CCDC178: variants seen among roughly 807,000 people sequenced by gnomAD.
CCDC178 encodes coiled-coil domain-containing protein 178.
In CCDC178, 126 loss-of-function variants were observed where a neutral mutation model predicts 117.4. The observed-to-expected ratio is 1.07, with a 90% CI of 0.93 to 1.24. The LOEUF is 1.24. Ranked by LOEUF, CCDC178 falls within the 50% of genes most tolerant of loss-of-function variation. CCDC178 has a pLI of 0.00. For missense variants in CCDC178, 1,030 were observed against 986.9 expected (o/e 1.04, Z -0.59); for synonymous variants, 283 against 313.4 (o/e 0.90, Z 1.02).
At chr18:33,208,016 C>A (rs1426754549) in intron 20 of CCDC178, among the ~76,000 whole-genome samples, 4 of 152,032 alleles carry the variant, frequency 2.6e-5, no homozygotes, top group African/African-American at 9.7e-5. Context: ...ATCTCTGATA[C>A]AAAATTAGCA....
At chr18:33,253,285 C>T (rs898855136) in intron 14 of CCDC178, among the ~76,000 whole-genome samples, 1 of 151,766 alleles carries the variant, frequency 6.6e-6, no homozygotes, top group Non-Finnish European at 1.5e-5. Flanking sequence ...TGAAGGTAAA[C>T]TATATATGAA....
intron 13 of CCDC178, 24 bp from the exon 14 acceptor site, chr18:33,267,076 C>T: frequency 6.4e-7 from 1 of 1,563,740 alleles, no homozygotes; most frequent in Non-Finnish European, 8.6e-7. Flanking sequence ...ATAAAAGAAT[C>T]ATTCATACAT....
chr18:33,292,231 C>T (rs1214087317), intron 12 of CCDC178, among the ~76,000 whole-genome samples: 1 of 152,120 alleles, frequency 6.6e-6, no homozygotes, highest in East Asian at 1.9e-4. Context: ...CAATGGAATA[C>T]TATTCAGCAA....
At chr18:33,423,145 G>A (rs567898332) in intron 2 of CCDC178, among the ~76,000 whole-genome samples, 24 of 152,026 alleles carry the variant, frequency 1.6e-4, no homozygotes, top group Admixed American at 4.6e-4. Flanking sequence ...TAAAAATAAC[G>A]TTGTACCCTA....
chr18:33,437,795 A>T (rs1465896136), intron 2 of CCDC178: 1 of 152,170 alleles, frequency 6.6e-6, no homozygotes, highest in Non-Finnish European at 1.5e-5. Context: ...AATGGTAAAA[A>T]TAACAATACT....
At chr18:33,190,077 A>C (rs1322434024) in intron 20 of CCDC178, among the ~76,000 whole-genome samples, 2 of 152,160 alleles carry the variant, frequency 1.3e-5, no homozygotes, top group African/African-American at 2.4e-5. Context: ...AAGGTAGCTG[A>C]CACCTAGAAG....
At chr18:33,306,403 A>G (rs2062248742) in intron 11 of CCDC178, among the ~76,000 whole-genome samples, 1 of 113,134 alleles carries the variant, frequency 8.8e-6, no homozygotes, top group African/African-American at 3.3e-5. Flanking sequence ...GGTAACAGCT[A>G]TTGGATCTTT....
chr18:33,403,925 C>A (rs1206313732), intron 3 of CCDC178, among the ~76,000 whole-genome samples: 1 of 151,930 alleles, frequency 6.6e-6, no homozygotes, highest in African/African-American at 2.4e-5. Flanking sequence ...CTTTCGACTT[C>A]TAGAAGAAGG....
At chr18:33,333,511 T>A in intron 9 of CCDC178, 117 bp from the exon 10 acceptor site, 2 of 469,010 alleles carry the variant, frequency 4.3e-6, no homozygotes, top group Non-Finnish European at 7.0e-6. Context: ...TACTACTTTT[T>A]TTTTTTTTTT....
intron 21 of CCDC178, among the ~76,000 whole-genome samples, chr18:33,080,204 A>C (rs540940417): frequency 6.6e-6 from 1 of 152,162 alleles, no homozygotes; most frequent in Non-Finnish European, 1.5e-5. Context: ...GCTCTCACTT[A>C]TAAGTAGGAG....
At chr18:33,048,823 T>A (rs1185443710) in intron 21 of CCDC178, among the ~76,000 whole-genome samples, 1 of 152,172 alleles carries the variant, frequency 6.6e-6, no homozygotes. Context: ...AGATTTGTTT[T>A]CCCAATCCTT....
In CCDC178 at chr18:32,993,547, C is replaced by T. The variant is rs150697839; in HGVS notation, c.2389-18866G>A. On this transcript the variant is annotated intron_variant, in intron 21 of 22. Transcript: ENST00000383096. ...TTGCTGTCTAACACCACTGGCTCAC[C>T]ATTAAATTCTTTCCTGGGCAAAGCC... Among the ~76,000 whole-genome samples, 21 of 152,350 alleles carry T rather than the reference C, an allele frequency of 1.4e-4. No individual in the cohort carries two copies. The East Asian group carries it at 4.1e-3, about 29-fold the overall frequency.
At chr18:33,389,467 G>C in intron 5 of CCDC178, 73 bp downstream of exon 5, 1 of 599,452 alleles carries the variant, frequency 1.7e-6, no homozygotes, top group Non-Finnish European at 2.6e-6. Context: ...AAATAGTATT[G>C]ACATTATAGA....
In CCDC178 at chr18:33,245,360, T is replaced by C; in HGVS notation, c.1478A>G (p.Lys493Arg). The C allele has an allele frequency of 6.2e-7, 1 of 1,604,706 alleles. No homozygotes were observed. The highest frequency in any genetic ancestry group is 8.5e-7 in the Non-Finnish European group (1 of 1,176,274). Residue 493 changes from lysine to arginine, a missense_variant, in exon 15 of 23, where the codon AAA becomes AGA. Physicochemically the swap from Lys to Arg is conservative, Grantham distance 26 (BLOSUM62 2). Coordinates refer to ENST00000383096, the MANE Select transcript of CCDC178 (RefSeq NM_001105528.4). ...CTCCTTATAGATGTTCTTGAGATGT[T>C]TATCATTCTTTAACTTCATTATTGT... is the stretch of plus-strand genomic sequence containing the variant. ...YLTIMKLKND[K>R]HLKNIYKEAY...
At chr18:33,416,404 G>A (rs1055945608) in intron 2 of CCDC178, among the ~76,000 whole-genome samples, 10 of 150,952 alleles carry the variant, frequency 6.6e-5, no homozygotes, top group East Asian at 3.9e-4. Flanking sequence ...TCCAGCCTGG[G>A]TGACAGAGCC....
At chr18:33,160,313 G>A (rs1434860153) in intron 20 of CCDC178, among the ~76,000 whole-genome samples, 1 of 152,098 alleles carries the variant, frequency 6.6e-6, no homozygotes, top group East Asian at 1.9e-4. Context: ...ACTTGAATTT[G>A]TGTTCACAGA....
chr18:32,941,636 T>G (rs2054241539), intron 22 of CCDC178, among the ~76,000 whole-genome samples: 1 of 152,140 alleles, frequency 6.6e-6, no homozygotes, highest in African/African-American at 2.4e-5. Flanking sequence ...CTAAAAGACC[T>G]GCTATTTCAT....
chr18:33,386,396 T>TACAACAACAAAAACA (rs1444673295), intron 5 of CCDC178, among the ~76,000 whole-genome samples: 1 of 151,504 alleles, frequency 6.6e-6, no homozygotes, highest in Admixed American at 6.6e-5. Context: ...ACAACAGAGA[T>TACAACAACAAAAACA]ACAACAACAA....
chr18:33,045,210 A>T (rs2056620533), intron 21 of CCDC178, among the ~76,000 whole-genome samples: 1 of 152,214 alleles, frequency 6.6e-6, no homozygotes, highest in East Asian at 1.9e-4. Context: ...ATAAAAATGT[A>T]TTGCATAGAG....
Sources: allele counts gnomAD v4.1 joint callset (sites outside exome capture counted in the v4.1 genomes callset), GRCh38; gene constraint gnomAD v4.1.1; transcripts MANE v1.5; gene names NCBI Gene and HGNC (gene_info 2026-07-23, HGNC 2026-07-21).